The following CRYBG1 variants were observed in gnomAD, a reference collection of about 807,000 sequenced individuals.
The protein encoded by CRYBG1 is crystallin beta-gamma domain containing 1.
CRYBG1 carries 139 observed loss-of-function variants against 189.2 expected under a neutral mutation model. The observed-to-expected ratio is 0.73, with a 90% CI of 0.64 to 0.85. The LOEUF (loss-of-function observed/expected upper bound fraction) is 0.85. Among genes scored for constraint, CRYBG1 ranks in the 40% least tolerant of loss-of-function variants. The pLI is 0.00. For missense variants in CRYBG1, 2,611 were observed against 2,675.8 expected, an observed-to-expected ratio of 0.98 and a Z score of 0.53; for synonymous variants, 1,023 against 1,017.1, an observed-to-expected ratio of 1.01 and a Z score of -0.11.
At chr6:106,543,834 C>T (rs1208475951) in intron 11 of CRYBG1, among the ~76,000 whole-genome samples, 1 of 152,150 alleles carries the variant, frequency 6.6e-6, no homozygotes, top group Non-Finnish European at 1.5e-5. Flanking sequence ...GGCGGATCAC[C>T]TGAGGTCAGG....
At chr6:106,487,101 T>G (rs1554185791) in intron 2 of CRYBG1, among the ~76,000 whole-genome samples, 1 of 152,188 alleles carries the variant, frequency 6.6e-6, no homozygotes, top group Non-Finnish European at 1.5e-5. Flanking sequence ...TGTGTGTGAT[T>G]ACCGTGGGGT....
At chr6:106,504,654 T>G (rs1582801906) in intron 2 of CRYBG1, among the ~76,000 whole-genome samples, 1 of 21,364 alleles carries the variant, frequency 4.7e-5, no homozygotes, top group Non-Finnish European at 1.1e-4. Flanking sequence ...TGTGTGTTTG[T>G]GTGTGTGTAT....
intron 1 of CRYBG1, among the ~76,000 whole-genome samples, chr6:106,409,638 A>G (rs745994627): frequency 6.6e-6 from 1 of 152,226 alleles, no homozygotes; most frequent in Non-Finnish European, 1.5e-5. Flanking sequence ...ACAAGACTAC[A>G]GTAACCAAAA....
intron 2 of CRYBG1, among the ~76,000 whole-genome samples, chr6:106,470,550 T>C (rs1772211639): frequency 6.6e-6 from 1 of 151,974 alleles, no homozygotes; most frequent in South Asian, 2.1e-4. Flanking sequence ...CCAGCCTGGG[T>C]GACAGAGCAA....
rs375900630 is a variant in CRYBG1 at position 106,453,107 on chromosome 6, GT to G, written c.312+1277del. ...ACAATATGAATGTACTTAAACTACC[GT>G]TAGTGTAGTTAATATATTGATCTGC... is the stretch of plus-strand genomic sequence containing the variant. On this transcript the variant is annotated intron_variant, in intron 2 of 21. Transcript: ENST00000633556. Among the ~76,000 whole-genome samples the G allele has an allele frequency of 3.9e-5, 6 of 152,258 alleles. No homozygotes were observed. In the South Asian group the frequency reaches 1.0e-3, roughly 26 times the overall value.
At chr6:106,489,001 C>T (rs1209727140) in intron 2 of CRYBG1, among the ~76,000 whole-genome samples, 3 of 152,132 alleles carry the variant, frequency 2.0e-5, no homozygotes, top group Admixed American at 2.0e-4. Context: ...TTTAGACTCC[C>T]AGCAACTGTT....
chr6:106,421,877 G>A (rs557294077), intron 1 of CRYBG1, among the ~76,000 whole-genome samples: 6 of 152,010 alleles, frequency 3.9e-5, no homozygotes, highest in Non-Finnish European at 8.8e-5. Context: ...TTATGTGGAT[G>A]GTAGCAGGCA....
At chr6:106,530,437 AG>A in intron 8 of CRYBG1, 122 bp downstream of exon 8, 1 of 970,238 alleles carries the variant, frequency 1.0e-6, no homozygotes. Flanking sequence ...ATTAACTGTA[AG>A]GTATATTTTT....
intron 1 of CRYBG1, among the ~76,000 whole-genome samples, chr6:106,424,892 C>T (rs1257806784): frequency 6.6e-6 from 1 of 152,180 alleles, no homozygotes; most frequent in Non-Finnish European, 1.5e-5. Context: ...AGACTCCTCA[C>T]CTCTGCCTCA....
chr6:106,512,015 CCCA>C lies in CRYBG1; in HGVS notation c.901_903del (p.Thr301del), dbSNP rs1562095386. On this transcript the variant is annotated inframe_deletion, in exon 3 of 22. Coordinates refer to ENST00000633556, the MANE Select transcript of CRYBG1 (RefSeq NM_001371242.2). ...GGGTGTGAGGGGTGCGCCAGGGTCG[CCCA>C]CCCAGGAGCGGCCCGCGGGAGGACT... The C allele has an allele frequency of 6.5e-7, 1 of 1,529,672 alleles. No homozygotes were observed. The highest frequency in any genetic ancestry group is 8.7e-7 in the Non-Finnish European group (1 of 1,143,436). 94.8% of individuals were successfully genotyped at this position (1,529,672 alleles called of 1,614,324 possible).
chr6:106,571,263 G>T lies in CRYBG1; in HGVS notation c.*2697G>T, dbSNP rs1412581620. 1 of 152,224 alleles carries T rather than the reference G, an allele frequency of 6.6e-6. No homozygotes were observed. The highest frequency in any genetic ancestry group is 2.4e-5 in the African/African-American group (1 of 41,454). The allele number at this position is 152,224 out of a possible 1,614,324, so 9.4% of individuals were successfully genotyped here. A position where few individuals can be genotyped will look rare whatever the true frequency, so the allele number is the denominator to read the frequency against. On this transcript the variant is annotated 3_prime_UTR_variant, in exon 22 of 22. Transcript: ENST00000633556. ...GAGATTTAGAACTTTAAGAGCTGTG[G>T]TGACCACATTATGGTGGAGGAACAA... is the stretch of plus-strand genomic sequence containing the variant.
Position 106,571,761 on chromosome 6 carries a change from G to C in CRYBG1, c.*3195G>C, listed in dbSNP as rs1775067677. 3 of 449,132 alleles carry C rather than the reference G, an allele frequency of 6.7e-6. No homozygotes were observed. The South Asian group carries it at 8.3e-5, about 12-fold the overall frequency. 27.8% of individuals were successfully genotyped at this position (449,132 alleles called of 1,614,324 possible). ...GGTGCCACAACAACCTGCAAAGCCA[G>C]TGTGAAGGAACAGCTTGAAAAAACT... On this transcript the variant is annotated 3_prime_UTR_variant, in exon 22 of 22. Coordinates refer to ENST00000633556, the MANE Select transcript of CRYBG1 (RefSeq NM_001371242.2).
chr6:106,484,336 C>G lies in CRYBG1; in HGVS notation c.313-27094C>G, dbSNP rs377461083. On this transcript the variant is annotated intron_variant, in intron 2 of 21. Coordinates refer to ENST00000633556, the MANE Select transcript of CRYBG1 (RefSeq NM_001371242.2). ...AGAGGCAAGGTGTCACTTTGCCACC[C>G]AGGCTAGAGTGCAGTAGCGTGATCA... Among the ~76,000 whole-genome samples the G allele has an allele frequency of 3.6e-3, 544 of 152,244 alleles. 6 individuals carry two copies. Among genetic ancestry groups the G allele is most frequent in the African/African-American group, 0.012 (514 of 41,536 alleles).
At position 106,521,132 on chromosome 6, in the gene CRYBG1, C is replaced by CT. The variant is rs765412508; in HGVS notation, c.3926dup (p.Leu1309PhefsTer47). On this transcript the variant is annotated frameshift_variant, in exon 4 of 22. Coordinates refer to ENST00000633556, the MANE Select transcript of CRYBG1 (RefSeq NM_001371242.2). LOFTEE classifies it high-confidence loss of function. ...AGTCAAATCTTCTGCCCGACAACTCCTTAAAGGTCTTCAATTTCAACTCGT... is the reference window on the plus strand; with the variant it reads ...AGTCAAATCTTCTGCCCGACAACTCCTTTAAAGGTCTTCAATTTCAACTCGT... 7 of 1,614,174 alleles carry CT rather than the reference C, an allele frequency of 4.3e-6. No homozygotes were observed. The South Asian group carries it at 7.7e-5, about 18-fold the overall frequency.
At chr6:106,528,290 A>C (rs17495678) in intron 7 of CRYBG1, among the ~76,000 whole-genome samples, 1 of 152,196 alleles carries the variant, frequency 6.6e-6, no homozygotes, top group Non-Finnish European at 1.5e-5. Flanking sequence ...GAGAAGACTA[A>C]GTAAGACTTG....
At position 106,548,138 on chromosome 6, in the gene CRYBG1, C is replaced by CT. The variant is rs1774307915; in HGVS notation, c.5312+3208dup. 2.6e-5 allele frequency among the ~76,000 whole-genome samples: 4 copies of CT among 152,254 alleles called. No individual in the cohort carries two copies. The South Asian group carries it at 8.3e-4, about 32-fold the overall frequency. ...GCCTTTCCCCCGTCTCCCCACCAGT[C>CT]TTTAAACAGAGGAGTGTTGATTCAT... On this transcript the variant is annotated intron_variant, in intron 13 of 21. Coordinates refer to ENST00000633556, the MANE Select transcript of CRYBG1 (RefSeq NM_001371242.2).
At chr6:106,541,112 C>A in intron 9 of CRYBG1, 1 of 363,576 alleles carries the variant, frequency 2.8e-6, no homozygotes, top group Non-Finnish European at 5.6e-6. Context: ...CTTCAGGGGC[C>A]AGGCAGCAAA....
At chr6:106,482,817 C>A (rs1479486011) in intron 2 of CRYBG1, among the ~76,000 whole-genome samples, 2 of 151,816 alleles carry the variant, frequency 1.3e-5, no homozygotes, top group African/African-American at 4.8e-5. Flanking sequence ...AAAAAGAATT[C>A]TTCCTACCAC....
At chr6:106,516,711 A>T (rs1247028632) in intron 3 of CRYBG1, among the ~76,000 whole-genome samples, 1 of 152,228 alleles carries the variant, frequency 6.6e-6, no homozygotes, top group African/African-American at 2.4e-5. Context: ...GAGCTCATTC[A>T]GGCGGGTATA....
Sources: allele counts gnomAD v4.1 joint callset (sites outside exome capture counted in the v4.1 genomes callset), GRCh38; gene constraint gnomAD v4.1.1; transcripts MANE v1.5; gene names NCBI Gene and HGNC (gene_info 2026-07-23, HGNC 2026-07-21).